RALGAPB: variants seen among roughly 807,000 people sequenced by gnomAD.
RALGAPB encodes ral GTPase-activating protein subunit beta.
Under a neutral mutation model 161.1 loss-of-function variants are expected in RALGAPB, and 25 were observed. The ratio of observed to expected loss-of-function variants is 0.16; its 90% CI spans 0.11 to 0.22. The LOEUF is 0.22. RALGAPB is among the 10% of genes least tolerant of loss of function. The pLI, the probability that RALGAPB is intolerant of heterozygous loss-of-function variation, is 1.00. For synonymous variants in RALGAPB, 629 were observed against 626.1 expected (o/e 1.00, Z -0.07); for missense variants, 1,391 against 1,815.2 (o/e 0.77, Z 4.25).
intron 22 of RALGAPB, among the ~76,000 whole-genome samples, chr20:38,555,304 C>A (rs1007466385): frequency 1.3e-5 from 2 of 152,092 alleles, no homozygotes; most frequent in Non-Finnish European, 2.9e-5. Flanking sequence ...TGGTTATAGG[C>A]CATTTAGCTT....
At chr20:38,500,684 C>T (rs532098599) in intron 5 of RALGAPB, among the ~76,000 whole-genome samples, 6 of 152,274 alleles carry the variant, frequency 3.9e-5, no homozygotes, top group Admixed American at 2.0e-4. Flanking sequence ...GTGTTGAAAG[C>T]CAAAACAGGC....
intron 1 of RALGAPB, among the ~76,000 whole-genome samples, chr20:38,481,101 C>T (rs1473327982): frequency 6.6e-6 from 1 of 152,110 alleles, no homozygotes; most frequent in African/African-American, 2.4e-5. Context: ...AAATTATACC[C>T]TTCCTTCAAT....
intron 1 of RALGAPB, among the ~76,000 whole-genome samples, chr20:38,478,443 C>T (rs527975131): frequency 1.8e-4 from 28 of 151,924 alleles, no homozygotes; most frequent in Admixed American, 4.6e-4. Context: ...TTTTTTGAGA[C>T]GGAGTCTCGC....
chr20:38,513,376 TGCCTGTAATCCCA>T (rs1185748181), intron 6 of RALGAPB, among the ~76,000 whole-genome samples: 1 of 151,032 alleles, frequency 6.6e-6, no homozygotes, highest in Non-Finnish European at 1.5e-5. Flanking sequence ...TGGTGGCACA[TGCCTGTAATCCCA>T]GCTACTTGGG....
chr20:38,525,770 A>G (rs1434726523), intron 12 of RALGAPB, 125 bp from the exon 13 acceptor site: 1 of 1,005,216 alleles, frequency 9.9e-7, no homozygotes, highest in Non-Finnish European at 1.5e-6. Context: ...CAGATTCAGC[A>G]CAGTGGCTAA....
rs751594231 is a variant in RALGAPB at position 38,525,946 on chromosome 20, C to G, written c.1954C>G (p.Pro652Ala). 2 of 1,613,792 alleles carry G rather than the reference C, an allele frequency of 1.2e-6. No homozygotes were observed. Among genetic ancestry groups the G allele is most frequent in the Non-Finnish European group, 1.7e-6 (2 of 1,179,756 alleles). Residue 652 changes from proline (P) to alanine (A), a missense_variant, in exon 13 of 30, where the codon CCA becomes GCA. Transcript: ENST00000262879. ...SNDDSSSYDK[P>A]ITFLSLKLRL... ...CGATGACAGCTCTTCTTATGATAAA[C>G]CAATAACTTTTCTGTCCCTGAAGTT...
At chr20:38,501,528 G>A (rs761244458) in intron 5 of RALGAPB, among the ~76,000 whole-genome samples, 1 of 152,100 alleles carries the variant, frequency 6.6e-6, no homozygotes, top group Non-Finnish European at 1.5e-5. Flanking sequence ...TTAGCCTCCC[G>A]AATAACTGGG....
chr20:38,518,641 G>A (rs1471680487), intron 9 of RALGAPB, among the ~76,000 whole-genome samples: 1 of 152,132 alleles, frequency 6.6e-6, no homozygotes, highest in Non-Finnish European at 1.5e-5. Context: ...ATATTTGAAA[G>A]TAATGGCATA....
intron 1 of RALGAPB, among the ~76,000 whole-genome samples, chr20:38,476,014 A>C (rs1392295260): frequency 6.6e-6 from 1 of 152,204 alleles, no homozygotes; most frequent in Non-Finnish European, 1.5e-5. Context: ...ATAGAAACTG[A>C]TGGGACAACT....
At position 38,494,838 on chromosome 20, in the gene RALGAPB, C is replaced by T. The variant is rs188058229; in HGVS notation, c.389+1706C>T. On this transcript the variant is annotated intron_variant, in intron 3 of 29. Coordinates refer to ENST00000262879, the MANE Select transcript of RALGAPB (RefSeq NM_020336.4). ...TCTTTCCTCTTTGTAAGCCTACTAC[C>T]TTTCAGTGCTCAGTTAATTTGTATT... Among the ~76,000 whole-genome samples the T allele has an allele frequency of 2.5e-4, 38 of 152,240 alleles. 1 individual carries two copies. Among genetic ancestry groups the T allele is most frequent in the African/African-American group, 8.9e-4 (37 of 41,554 alleles).
intron 15 of RALGAPB, among the ~76,000 whole-genome samples, chr20:38,533,382 A>T (rs2086713956): frequency 6.6e-6 from 1 of 152,200 alleles, no homozygotes; most frequent in Non-Finnish European, 1.5e-5. Context: ...CCAGCCAAGC[A>T]TCCTATACAA....
intron 3 of RALGAPB, among the ~76,000 whole-genome samples, chr20:38,494,580 G>A (rs139120928): frequency 0.025 from 3,850 of 152,268 alleles, 163 homozygotes; most frequent in African/African-American, 0.088. Context: ...GCAGTGAGCC[G>A]AGATTGCACC....
intron 2 of RALGAPB, among the ~76,000 whole-genome samples, chr20:38,489,789 A>T (rs2085222578): frequency 6.6e-6 from 1 of 152,168 alleles, no homozygotes; most frequent in South Asian, 2.1e-4. Context: ...AAAGGTCTTC[A>T]GTCTGAGGAA....
chr20:38,566,949 T>C, intron 25 of RALGAPB, 147 bp from the exon 26 acceptor site: 1 of 1,391,054 alleles, frequency 7.2e-7, no homozygotes, highest in Non-Finnish European at 9.4e-7. Context: ...CTTGATCCTT[T>C]ACAGAAAAAA....
At position 38,548,765 on chromosome 20, in the gene RALGAPB, T is replaced by G; in HGVS notation, c.2979T>G (p.Leu993=). ...TTGCTTGGGCACAACAGCTTTGTCT[T>G]TTACCCAGAGGAGCAAAAGCAAATC... ...GRLAWAQQLC[L]LPRGAKANQK... The change falls in exon 20 of 30, where the codon CTT becomes CTG. Residue 993 remains leucine, a synonymous_variant. Transcript: ENST00000262879. 1 of 1,613,928 alleles carries G rather than the reference T, an allele frequency of 6.2e-7. No homozygotes were observed. Among genetic ancestry groups the G allele is most frequent in the Non-Finnish European group, 8.5e-7 (1 of 1,179,804 alleles).
intron 3 of RALGAPB, 104 bp downstream of exon 3, chr20:38,493,236 G>A (rs2085327557): frequency 2.4e-6 from 2 of 835,390 alleles, no homozygotes; most frequent in Non-Finnish European, 3.7e-6. Context: ...CCTCTGAACA[G>A]TGACTTCATG....
intron 18 of RALGAPB, among the ~76,000 whole-genome samples, chr20:38,543,655 G>T (rs974771080): frequency 1.3e-5 from 2 of 152,140 alleles, no homozygotes; most frequent in Non-Finnish European, 2.9e-5. Flanking sequence ...CCGTTGTCAG[G>T]CCTGACAGAG....
In RALGAPB at chr20:38,565,354, A is replaced by G. The variant is rs1347240552; in HGVS notation, c.3698-5A>G. ...CGGTAATGTAGTGTTTCTTTTTCCC[A>G]GAAGAAGTGATTTCCTCTGAAGATA... On this transcript the variant is annotated splice_polypyrimidine_tract_variant and splice_region_variant and intron_variant, in intron 24 of 29. Transcript: ENST00000262879. 6.2e-7 allele frequency: 1 copy of G among 1,612,682 alleles called. No individual in the cohort carries two copies. Among genetic ancestry groups the G allele is most frequent in the South Asian group, 1.1e-5 (1 of 90,878 alleles).
chr20:38,491,992 A>ATAC, intron 2 of RALGAPB, among the ~76,000 whole-genome samples: 1 of 152,346 alleles, frequency 6.6e-6, no homozygotes. Context: ...AATGTCTGGA[A>ATAC]TACAGTTTCC....
Sources: gnomAD v4.1 joint callset for allele counts (sites outside exome capture counted in the v4.1 genomes callset) on GRCh38, gnomAD v4.1.1 for gene constraint, MANE v1.5 for transcripts, NCBI Gene and HGNC (gene_info 2026-07-23, HGNC 2026-07-21) for gene names.